Variants in ACYP2 observed in about 807,000 individuals in gnomAD.
ACYP2 encodes the protein acylphosphatase-2.
ACYP2 carries 12 observed loss-of-function variants against 11.2 expected under a neutral mutation model. The observed-to-expected ratio is 1.08, with a 90% CI of 0.69 to 1.74. The LOEUF (loss-of-function observed/expected upper bound fraction) is 1.74, where lower values mean the gene tolerates loss of function less well. Ranked by LOEUF, ACYP2 falls within the 40% of genes most tolerant of loss-of-function variation. ACYP2 has a pLI of 0.00. For missense variants in ACYP2, 134 were observed against 101.9 expected, an observed-to-expected ratio of 1.31 and a Z score of -1.35; for synonymous variants, 43 against 32.2, an observed-to-expected ratio of 1.33 and a Z score of -1.13.
At chr2:53,973,901 G>GTGTGTGTGTGTGTA (rs1228124527) in intron 2 of ACYP2, 1 of 87,556 alleles carries the variant, frequency 1.1e-5, no homozygotes, top group Non-Finnish European at 2.2e-5. Context: ...GTGTGTGTGT[G>GTGTGTGTGTGTGTA]TATATATTTT....
intron 4 of ACYP2, among the ~76,000 whole-genome samples, chr2:54,123,807 C>A (rs1680296180): frequency 6.6e-6 from 1 of 152,102 alleles, no homozygotes; most frequent in African/African-American, 2.4e-5. Flanking sequence ...ATGGAGAAAC[C>A]ACTAACTCCC....
chr2:54,249,371 C>G (rs1271056554), intron 6 of ACYP2, among the ~76,000 whole-genome samples: 1 of 149,162 alleles, frequency 6.7e-6, no homozygotes, highest in East Asian at 2.0e-4. Context: ...CTCGGTGGAG[C>G]TTGCAGTGAG....
intron 6 of ACYP2, among the ~76,000 whole-genome samples, chr2:54,266,709 C>A (rs1223860681): frequency 7.1e-6 from 1 of 141,800 alleles, no homozygotes; most frequent in South Asian, 2.3e-4. Context: ...GGGTTCACGC[C>A]ATTCTCCTGC....
At chr2:54,160,402 T>A (rs1682659356) in intron 6 of ACYP2, among the ~76,000 whole-genome samples, 1 of 152,198 alleles carries the variant, frequency 6.6e-6, no homozygotes, top group African/African-American at 2.4e-5. Flanking sequence ...CAGCCACTCA[T>A]AAGGATGAAA....
chr2:54,210,773 T>G (rs1405144893), intron 6 of ACYP2, among the ~76,000 whole-genome samples: 1 of 152,110 alleles, frequency 6.6e-6, no homozygotes, highest in Non-Finnish European at 1.5e-5. Context: ...AGTCTTGGAA[T>G]AGCAGATTAA....
rs1446878978 is a variant in ACYP2, at chr2:54,013,316, T to A, written c.63-37642T>A. Among the ~76,000 whole-genome samples, 4 of 131,216 alleles carry A rather than the reference T, an allele frequency of 3.0e-5. No individual in the cohort carries two copies. In the East Asian group the frequency reaches 9.1e-4, roughly 30 times the overall value. 86.1% of individuals were successfully genotyped at this position (131,216 alleles called of 152,430 possible). A position where few individuals can be genotyped will look rare whatever the true frequency, so the allele number is the denominator to read the frequency against. On this transcript the variant is annotated intron_variant, in intron 2 of 6. Coordinates refer to ENST00000607452, the MANE Select transcript of ACYP2 (RefSeq NM_001320586.2). ...GTGTGTGTGTGTGTGTGTGTGTGTGTTTTGAGACAGAGTCTTGCTCTGTTG... is the reference window on the plus strand; with the variant it reads ...GTGTGTGTGTGTGTGTGTGTGTGTGATTTGAGACAGAGTCTTGCTCTGTTG...
At chr2:53,977,728 C>G (rs1671562974) in intron 2 of ACYP2, among the ~76,000 whole-genome samples, 2 of 147,670 alleles carry the variant, frequency 1.4e-5, no homozygotes, top group Middle Eastern at 3.4e-3. Flanking sequence ...GAGCAAGACT[C>G]CATCTCAAAA....
chr2:54,086,114 T>C (rs1211131412), intron 4 of ACYP2, among the ~76,000 whole-genome samples: 1 of 152,080 alleles, frequency 6.6e-6, no homozygotes, highest in Non-Finnish European at 1.5e-5. Context: ...TGGCTAATTA[T>C]TGTTTTTTTT....
At chr2:54,059,228 T>C (rs1676336660) in intron 4 of ACYP2, among the ~76,000 whole-genome samples, 1 of 151,074 alleles carries the variant, frequency 6.6e-6, no homozygotes, top group Admixed American at 6.5e-5. Flanking sequence ...TTTTCTTTTT[T>C]TTCTTTTGAG....
intron 4 of ACYP2, among the ~76,000 whole-genome samples, chr2:54,093,826 G>C (rs1008773100): frequency 3.9e-5 from 6 of 152,124 alleles, no homozygotes; most frequent in African/African-American, 9.7e-5. Context: ...TGTAGTCCCA[G>C]CTACTCCGGA....
chr2:54,000,007 C>G (rs1240265706), intron 2 of ACYP2, among the ~76,000 whole-genome samples: 1 of 151,846 alleles, frequency 6.6e-6, no homozygotes, highest in Non-Finnish European at 1.5e-5. Context: ...GTTCTTAAAC[C>G]TTAAATAGGG....
chr2:54,120,161 CTT>C (rs201538398), intron 4 of ACYP2, among the ~76,000 whole-genome samples: 1 of 152,076 alleles, frequency 6.6e-6, no homozygotes, highest in African/African-American at 2.4e-5. Context: ...TAAAGTTACT[CTT>C]TTTTTTCTCT....
intron 2 of ACYP2, among the ~76,000 whole-genome samples, chr2:54,006,759 A>G (rs1266787112): frequency 6.6e-6 from 1 of 152,100 alleles, no homozygotes; most frequent in Non-Finnish European, 1.5e-5. Flanking sequence ...TGTTATCTGT[A>G]GAAACAATTG....
intron 2 of ACYP2, among the ~76,000 whole-genome samples, chr2:54,031,862 T>C (rs1168001273): frequency 6.6e-6 from 1 of 152,222 alleles, no homozygotes; most frequent in African/African-American, 2.4e-5. Context: ...TGATTTGCAT[T>C]TATCTGATGG....
chr2:54,163,622 AG>A (rs938211989), intron 6 of ACYP2, among the ~76,000 whole-genome samples: 1 of 152,066 alleles, frequency 6.6e-6, no homozygotes, highest in Non-Finnish European at 1.5e-5. Flanking sequence ...TGGGAGGCCT[AG>A]GGGGGTGGCT....
At chr2:53,978,655 G>A (rs1671608371) in intron 2 of ACYP2, among the ~76,000 whole-genome samples, 1 of 152,218 alleles carries the variant, frequency 6.6e-6, no homozygotes, top group Admixed American at 6.5e-5. Context: ...AGAGACCGAG[G>A]TGGGCAGATG....
At chr2:54,090,011 T>TG (rs1448943850) in intron 4 of ACYP2, among the ~76,000 whole-genome samples, 2 of 151,540 alleles carry the variant, frequency 1.3e-5, no homozygotes, top group East Asian at 3.9e-4. Context: ...CAGGGCATGG[T>TG]GGCGGGCACC....
rs1035942067 is a variant in ACYP2, at chr2:54,261,853, G to A, written c.405-42835G>A. On this transcript the variant is annotated intron_variant, in intron 6 of 6. Coordinates refer to ENST00000607452, the MANE Select transcript of ACYP2 (RefSeq NM_001320586.2). ...TTTGCTAATTTCTTCTGTTTCCCAT[G>A]GAAAGTTTATCAAACTGTTTGTGAA... Among the ~76,000 whole-genome samples, 92 of 152,268 alleles carry A rather than the reference G, an allele frequency of 6.0e-4. 1 individual carries two copies. The highest frequency in any genetic ancestry group is 2.2e-3 in the African/African-American group (90 of 41,544).
At chr2:53,998,121 C>G (rs1265685085) in intron 2 of ACYP2, among the ~76,000 whole-genome samples, 1 of 152,106 alleles carries the variant, frequency 6.6e-6, no homozygotes, top group Non-Finnish European at 1.5e-5. Context: ...AACAACTTGA[C>G]CAGAATTTGG....
Sources: gnomAD v4.1 joint callset for allele counts (sites outside exome capture counted in the v4.1 genomes callset) on GRCh38, gnomAD v4.1.1 for gene constraint, MANE v1.5 for transcripts, NCBI Gene and HGNC (gene_info 2026-07-23, HGNC 2026-07-21) for gene names.